PRKCZ: variants seen among roughly 807,000 people sequenced by gnomAD.
PRKCZ encodes the protein protein kinase C zeta.
In PRKCZ, 33 loss-of-function variants were observed where a neutral mutation model predicts 79.5. The ratio of observed to expected loss-of-function variants is 0.41; its 90% confidence interval spans 0.31 to 0.55. The LOEUF (loss-of-function observed/expected upper bound fraction) is 0.55. Among genes scored for constraint, PRKCZ ranks in the 20% least tolerant of loss-of-function variants. PRKCZ has a pLI of 0.19. For missense variants in PRKCZ, 578 were observed against 813.5 expected, an observed-to-expected ratio of 0.71 and a Z score of 3.52; for synonymous variants, 342 against 320.9, an observed-to-expected ratio of 1.07 and a Z score of -0.70.
intron 10 of PRKCZ, among the ~76,000 whole-genome samples, chr1:2,158,819 TGTC>T (rs992584207): frequency 4.6e-5 from 7 of 152,200 alleles, no homozygotes; most frequent in Non-Finnish European, 1.0e-4. Context: ...CTTAAAGAAT[TGTC>T]GTCTGTGGGG....
At chr1:2,052,161 G>C (rs1427808191) in intron 1 of PRKCZ, among the ~76,000 whole-genome samples, 1 of 152,162 alleles carries the variant, frequency 6.6e-6, no homozygotes, top group Non-Finnish European at 1.5e-5. Flanking sequence ...CCTGCGAGAG[G>C]GAGGTCCACA....
chr1:2,074,227 G>T (rs999091372), intron 4 of PRKCZ: 1 of 1,550,528 alleles, frequency 6.4e-7, no homozygotes, highest in Non-Finnish European at 8.7e-7. Flanking sequence ...GGGACCTTCT[G>T]AGCGAGGCAG....
At position 2,121,679 on chromosome 1, in the gene PRKCZ, TAGGGTCACGGTG is replaced by T. The variant is rs1347705475; in HGVS notation, c.335-13582_335-13571del. On this transcript the variant is annotated intron_variant, in intron 4 of 17. Transcript: ENST00000378567. ...TGGTGGTTAGGGTCGTGGTGGTGGT[TAGGGTCACGGTG>T]GTGGTTAGGGTCACGGTGGTAGTTA... is the stretch of plus-strand genomic sequence containing the variant. Among the ~76,000 whole-genome samples, 23 of 131,792 alleles carry T rather than the reference TAGGGTCACGGTG, an allele frequency of 1.7e-4. 5 individuals carry two copies. The highest frequency in any genetic ancestry group is 5.8e-4 in the African/African-American group (20 of 34,324). 86.5% of individuals were successfully genotyped at this position (131,792 alleles called of 152,430 possible). A position where few individuals can be genotyped will look rare whatever the true frequency, so the allele number is the denominator to read the frequency against.
chr1:2,174,023 G>A lies in PRKCZ; in HGVS notation c.1405+7G>A. 1 of 1,594,566 alleles carries A rather than the reference G, an allele frequency of 6.3e-7. No individual in the cohort carries two copies. Among genetic ancestry groups the A allele is most frequent in the Non-Finnish European group, 8.6e-7 (1 of 1,167,484 alleles). Reference sequence around the variant, plus strand: ...GAGGACTACCTTTTCCAAGGTGCGTGCCCCGCTGTGCGTTCGTACCCCTCA... The same window carrying A: ...GAGGACTACCTTTTCCAAGGTGCGTACCCCGCTGTGCGTTCGTACCCCTCA... On this transcript the variant is annotated splice_region_variant and intron_variant, in intron 14 of 17. Transcript: ENST00000378567. This position sits in a 1 kb window ranked among gnomAD's most constrained non-coding sequence, Gnocchi z 6.2.
At chr1:2,161,933 A>G (rs1193736534) in intron 10 of PRKCZ, among the ~76,000 whole-genome samples, 1 of 152,046 alleles carries the variant, frequency 6.6e-6, no homozygotes, top group African/African-American at 2.4e-5. Context: ...CAGAGACCAC[A>G]TAAAACAAGA....
At chr1:2,145,985 C>T (rs1571803189) in intron 6 of PRKCZ, 42 bp from the exon 7 acceptor site, 1 of 1,530,754 alleles carries the variant, frequency 6.5e-7, no homozygotes, top group Non-Finnish European at 9.1e-7. Context: ...AACACCTGCT[C>T]TAGCACTTGG....
chr1:2,071,464 A>G (rs1052183443), intron 4 of PRKCZ: 3 of 235,600 alleles, frequency 1.3e-5, no homozygotes, highest in African/African-American at 2.3e-5. Context: ...ACGGAAGCCT[A>G]TCAACGGATG....
intron 2 of PRKCZ, chr1:2,056,017 C>G (rs904778418): frequency 1.1e-4 from 20 of 185,354 alleles, no homozygotes; most frequent in African/African-American, 4.4e-4. Flanking sequence ...CCAGAGAGAC[C>G]CCTTTCTCCC....
rs542473867 is a variant in PRKCZ at position 2,093,356 on chromosome 1, G to A, written c.334+33765G>A. 1.7e-3 allele frequency among the ~76,000 whole-genome samples: 261 copies of A among 152,222 alleles called. 2 individuals are homozygous for A. Among genetic ancestry groups the A allele is most frequent in the Non-Finnish European group, 3.2e-3 (219 of 68,006 alleles). ...GGCGGGCGGCTAGTGTCCTCTGGCC[G>A]CCCTGGGGCAGGTCAGACCGCCGGG... On this transcript the variant is annotated intron_variant, in intron 4 of 17. Transcript: ENST00000378567.
At chr1:2,153,122 G>GC (rs1274304802) in intron 9 of PRKCZ, among the ~76,000 whole-genome samples, 3 of 152,236 alleles carry the variant, frequency 2.0e-5, no homozygotes, top group Admixed American at 6.5e-5. Flanking sequence ...GCCTGTTTCT[G>GC]CAGGTCCTCA....
intron 4 of PRKCZ, among the ~76,000 whole-genome samples, chr1:2,093,879 G>A (rs1665950702): frequency 6.6e-6 from 1 of 152,174 alleles, no homozygotes; most frequent in African/African-American, 2.4e-5. Context: ...CCGCGTCGAC[G>A]TGGAGGTCCG....
rs373908339 is a variant in PRKCZ, at chr1:2,055,433, T to C, written c.72-8T>C. The C allele has an allele frequency of 1.1e-5, 18 of 1,603,854 alleles. No individual in the cohort carries two copies. The highest frequency in any genetic ancestry group is 1.7e-5 in the Admixed American group (1 of 58,594). On this transcript the variant is annotated splice_polypyrimidine_tract_variant and splice_region_variant and intron_variant, in intron 1 of 17. Transcript: ENST00000378567. ...CGGTAACAGATGCCCATGTCCCCTC[T>C]GCCCCAGGGACATCTTCATCACCAG... is the stretch of plus-strand genomic sequence containing the variant.
rs537623800 is a variant in PRKCZ, at chr1:2,087,519, C to T, written c.334+27928C>T. On this transcript the variant is annotated intron_variant, in intron 4 of 17. Coordinates refer to ENST00000378567, the MANE Select transcript of PRKCZ (RefSeq NM_002744.6). ...TGGCATCCCGAGGTGCCAGGCGAACCCTGGGGCTTCTGTGTCTCTCCTACA... is the reference window on the plus strand; with the variant it reads ...TGGCATCCCGAGGTGCCAGGCGAACTCTGGGGCTTCTGTGTCTCTCCTACA... Among the ~76,000 whole-genome samples, 3 of 152,256 alleles carry T rather than the reference C, an allele frequency of 2.0e-5. No individual in the cohort carries two copies. In the South Asian group the frequency reaches 6.2e-4, roughly 32 times the overall value.
At chr1:2,150,030 C>T (rs1329435727) in intron 8 of PRKCZ, among the ~76,000 whole-genome samples, 4 of 150,972 alleles carry the variant, frequency 2.6e-5, no homozygotes, top group Non-Finnish European at 5.9e-5. Context: ...GGCGTGGTGG[C>T]GGGCGCCTGT....
At chr1:2,159,448 G>C (rs1681789861) in intron 10 of PRKCZ, among the ~76,000 whole-genome samples, 1 of 152,272 alleles carries the variant, frequency 6.6e-6, no homozygotes, top group Admixed American at 6.5e-5. Flanking sequence ...ATAACACGCA[G>C]AACAGGACAC....
At position 2,185,382 on chromosome 1, in the gene PRKCZ, C is replaced by G. The variant is rs1687436005; in HGVS notation, c.*373C>G. 4 of 718,762 alleles carry G rather than the reference C, an allele frequency of 5.6e-6. No individual in the cohort carries two copies. Among genetic ancestry groups the G allele is most frequent in the Non-Finnish European group, 1.0e-5 (4 of 385,102 alleles). The allele number at this position is 718,762 out of a possible 1,614,324, so 44.5% of individuals were successfully genotyped here. A position where few individuals can be genotyped will look rare whatever the true frequency, so the allele number is the denominator to read the frequency against. On this transcript the variant is annotated 3_prime_UTR_variant, in exon 18 of 18. Transcript: ENST00000378567. ...GTAGCGTCCTGAGGAATAAAATGTT[C>G]CGATGATGTGGAAGCTCCTCTGATG... is the stretch of plus-strand genomic sequence containing the variant.
chr1:2,087,466 C>T (rs1481350257), intron 4 of PRKCZ, among the ~76,000 whole-genome samples: 2 of 152,200 alleles, frequency 1.3e-5, no homozygotes, highest in Non-Finnish European at 2.9e-5. Flanking sequence ...AGCCCCACCA[C>T]GCAGAGAGCT....
chr1:2,166,547 C>T (rs1683356464), intron 10 of PRKCZ, among the ~76,000 whole-genome samples: 1 of 152,200 alleles, frequency 6.6e-6, no homozygotes, highest in African/African-American at 2.4e-5. Flanking sequence ...CAGGGAGGGG[C>T]ATCCCCAGCG....
intron 2 of PRKCZ, 170 bp downstream of exon 2, chr1:2,055,732 C>A: frequency 1.0e-6 from 1 of 1,004,200 alleles, no homozygotes. Flanking sequence ...AGAGGTTGGC[C>A]ACAGATGCTT....
Sources: gnomAD v4.1 joint callset for allele counts (sites outside exome capture counted in the v4.1 genomes callset) on GRCh38, gnomAD v4.1.1 for gene constraint, Gnocchi (gnomAD v3.1) non-coding constraint, MANE v1.5 for transcripts, NCBI Gene and HGNC (gene_info 2026-07-23, HGNC 2026-07-21) for gene names.